Variants in OGFOD1 observed in about 807,000 individuals in gnomAD.
OGFOD1 encodes prolyl 3-hydroxylase OGFOD1.
In OGFOD1, 54 loss-of-function variants were observed where a neutral mutation model predicts 67.7. The ratio of observed to expected loss-of-function variants is 0.80; its 90% CI spans 0.64 to 1.00. OGFOD1 has a LOEUF of 1.00. OGFOD1 is among the 50% of genes least tolerant of loss of function. The pLI is 0.00. For missense variants in OGFOD1, 606 were observed against 646.7 expected, an observed-to-expected ratio of 0.94 and a Z score of 0.68; for synonymous variants, 221 against 227.0, an observed-to-expected ratio of 0.97 and a Z score of 0.24.
At chr16:56,463,086 C>G (rs1962769543) in intron 4 of OGFOD1, among the ~76,000 whole-genome samples, 1 of 152,170 alleles carries the variant, frequency 6.6e-6, no homozygotes, top group African/African-American at 2.4e-5. Context: ...CCTTCTTCAC[C>G]TTCTCCCTGC....
intron 1 of OGFOD1, chr16:56,452,015 A>C (rs1427137322): frequency 2.2e-6 from 1 of 456,678 alleles, no homozygotes; most frequent in Non-Finnish European, 3.9e-6. Flanking sequence ...GGTATGCAAG[A>C]GATAGTTGCA....
intron 4 of OGFOD1, among the ~76,000 whole-genome samples, chr16:56,463,383 G>GGTTTTTTTTTTTTTTTTTTT (rs1962783154): frequency 1.2e-5 from 1 of 80,112 alleles, no homozygotes; most frequent in Non-Finnish European, 2.7e-5. Context: ...TTCTTTTTTG[G>GGTTTTTTTTTTTTTTTTTTT]GTTTTTTTTT....
rs774982668 is a variant in OGFOD1 at position 56,466,919 on chromosome 16, G to A, written c.609G>A (p.Ser203=). Residue 203 remains serine, a synonymous_variant, in exon 6 of 13, where the codon TCG becomes TCA. Transcript: ENST00000566157. ...AGATTGTCAAGTCTCTTATCCCTTC[G>A]TGGAACAAACTGGTTTTCTTTGAAG... ...PKQIVKSLIP[S]WNKLVFFEVS... 16 of 1,613,984 alleles carry A rather than the reference G, an allele frequency of 9.9e-6. No homozygotes were observed. Among genetic ancestry groups the A allele is most frequent in the Middle Eastern group, 3.3e-4 (2 of 6,062 alleles).
Position 56,470,509 on chromosome 16 carries a change from A to AC in OGFOD1, c.1003_1004insC (p.Ser335ThrfsTer2). The AC allele has an allele frequency of 6.2e-7, 1 of 1,612,440 alleles. No homozygotes were observed. The highest frequency in any genetic ancestry group is 8.5e-7 in the Non-Finnish European group (1 of 1,179,408). ...CAGGTTTTATGAGAAAGCTGAGGAG[A>AC]GTAAGCTTCCTGAGATATTGAAGGA... On this transcript the variant is annotated frameshift_variant, in exon 10 of 13. Transcript: ENST00000566157. LOFTEE classifies it high-confidence loss of function.
intron 3 of OGFOD1, among the ~76,000 whole-genome samples, chr16:56,459,341 C>CA (rs1290722013): frequency 2.4e-3 from 252 of 103,086 alleles, no homozygotes; most frequent in East Asian, 0.013. Context: ...GACTCCATCT[C>CA]AAAAAAAAAA....
intron 4 of OGFOD1, chr16:56,465,873 A>G (rs1464187972): frequency 6.7e-6 from 2 of 297,402 alleles, no homozygotes; most frequent in Non-Finnish European, 1.3e-5. Context: ...GTAAATACAT[A>G]TATGTAGGAA....
At chr16:56,466,803 A>G in intron 5 of OGFOD1, 73 bp from the exon 6 acceptor site, 3 of 1,145,024 alleles carry the variant, frequency 2.6e-6, no homozygotes, top group Non-Finnish European at 3.9e-6. Context: ...AAGTTTGGAA[A>G]TTGTCAAGAG....
At chr16:56,475,088 G>C in intron 11 of OGFOD1, 138 bp downstream of exon 11, 1 of 840,720 alleles carries the variant, frequency 1.2e-6, no homozygotes, top group Non-Finnish European at 1.8e-6. Flanking sequence ...CAAAGTCAAA[G>C]GGATTTTACG....
In OGFOD1 at chr16:56,466,913, C is replaced by T; in HGVS notation, c.603C>T (p.Ile201=). ...CGAAGCAGATTGTCAAGTCTCTTATCCCTTCGTGGAACAAACTGGTTTTCT... is the reference window on the plus strand; with the variant it reads ...CGAAGCAGATTGTCAAGTCTCTTATTCCTTCGTGGAACAAACTGGTTTTCT... The part of the protein sequence containing the change: ...FQPKQIVKSL[I]PSWNKLVFFE... The change falls in exon 6 of 13, where the codon ATC becomes ATT. Residue 201 remains isoleucine (I), a synonymous_variant. Transcript: ENST00000566157. The T allele has an allele frequency of 6.2e-7, 1 of 1,613,928 alleles. No homozygotes were observed. The highest frequency in any genetic ancestry group is 8.5e-7 in the Non-Finnish European group (1 of 1,179,818).
chr16:56,475,570 G>A lies in OGFOD1; in HGVS notation c.1467+5G>A, dbSNP rs201157831. 6.2e-7 allele frequency: 1 copy of A among 1,612,878 alleles called. No homozygotes were observed. Among genetic ancestry groups the A allele is most frequent in the African/African-American group, 1.3e-5 (1 of 75,018 alleles). On this transcript the variant is annotated splice_donor_5th_base_variant and intron_variant, in intron 12 of 12. Coordinates refer to ENST00000566157, the MANE Select transcript of OGFOD1 (RefSeq NM_018233.4). The stretch of plus-strand genomic sequence containing the variant: ...GCCAAAGGTGAAGATGAAGAGGTAA[G>A]TTTCTTCTGATAGCAAACTATCATT...
chr16:56,470,792 G>A lies in OGFOD1; in HGVS notation c.1285+1G>A. ...CCAGAGGAAAATGAAACAAAGAAAG[G>A]TAAGCTGTTGTTAGGATTTGTCCTT... is the stretch of plus-strand genomic sequence containing the variant. On this transcript the variant is annotated splice_donor_variant, in intron 10 of 12. Coordinates refer to ENST00000566157, the MANE Select transcript of OGFOD1 (RefSeq NM_018233.4). LOFTEE classifies it high-confidence loss of function. 6.3e-7 allele frequency: 1 copy of A among 1,581,268 alleles called. No homozygotes were observed. Among genetic ancestry groups the A allele is most frequent in the Non-Finnish European group, 8.6e-7 (1 of 1,165,280 alleles).
intron 11 of OGFOD1, among the ~76,000 whole-genome samples, 174 bp from the exon 12 acceptor site, chr16:56,475,333 G>C (rs1963408923): frequency 1.3e-5 from 2 of 152,178 alleles, no homozygotes; most frequent in South Asian, 4.1e-4. Context: ...GCATTTAGGG[G>C]AAGGCAATCC....
chr16:56,477,129 CAAAAAAAAAAAAGAA>C lies in OGFOD1; in HGVS notation c.*925_*939del. On this transcript the variant is annotated 3_prime_UTR_variant, in exon 13 of 13. Coordinates refer to ENST00000566157, the MANE Select transcript of OGFOD1 (RefSeq NM_018233.4). ...GGGCAACAAGAGTGAAACTCTGTCT[CAAAAAAAAAAAAGAA>C]GAAAAAAACATAAGTGATTGCAGAA... 1 of 140,012 alleles carries C rather than the reference CAAAAAAAAAAAAGAA, an allele frequency of 7.1e-6. No homozygotes were observed. Among genetic ancestry groups the C allele is most frequent in the East Asian group, 2.0e-4 (1 of 4,896 alleles). 8.7% of individuals were successfully genotyped at this position (140,012 alleles called of 1,614,324 possible).
At position 56,474,844 on chromosome 16, in the gene OGFOD1, G is replaced by A; in HGVS notation, c.1302G>A (p.Met434Ile). 1 of 1,606,668 alleles carries A rather than the reference G, an allele frequency of 6.2e-7. No homozygotes were observed. The highest frequency in any genetic ancestry group is 1.7e-5 in the Admixed American group (1 of 59,320). The change falls in exon 11 of 13, where the codon ATG (methionine) becomes ATA (isoleucine). Residue 434 changes from methionine (M) to isoleucine (I), a missense_variant. Coordinates refer to ENST00000566157, the MANE Select transcript of OGFOD1 (RefSeq NM_018233.4). ...NETKKESSVPMCQGELRHWKT... is the reference protein window; with the variant it reads ...NETKKESSVPICQGELRHWKT... ...TTTCCTTAGAATCAAGTGTTCCCATGTGCCAAGGGGAACTGAGGCATTGGA... is the reference window on the plus strand; with the variant it reads ...TTTCCTTAGAATCAAGTGTTCCCATATGCCAAGGGGAACTGAGGCATTGGA...
chr16:56,466,583 C>T (rs1962909176), intron 5 of OGFOD1, among the ~76,000 whole-genome samples: 1 of 152,126 alleles, frequency 6.6e-6, no homozygotes, highest in South Asian at 2.1e-4. Flanking sequence ...TCTGCCAGGA[C>T]CAGTCCATTT....
In OGFOD1 at chr16:56,476,132, G is replaced by C; in HGVS notation, c.1556G>C (p.Arg519Pro). The C allele has an allele frequency of 1.2e-6, 2 of 1,613,856 alleles. No homozygotes were observed. The highest frequency in any genetic ancestry group is 4.5e-5 in the East Asian group (2 of 44,864). ...TLKFVKHINH[R>P]SLEQKKTFPN... ...AAATTTGTCAAGCATATTAACCACC[G>C]AAGCCTGGAACAAAAGAAAACCTTC... Residue 519 changes from arginine (R) to proline (P), a missense_variant, in exon 13 of 13, where the codon CGA becomes CCA. Transcript: ENST00000566157.
chr16:56,458,315 A>G (rs1434058605), intron 2 of OGFOD1: 1 of 518,432 alleles, frequency 1.9e-6, no homozygotes, highest in Non-Finnish European at 3.5e-6. Context: ...CATAGAAACT[A>G]GACTATAATA....
chr16:56,470,905 G>T (rs565543021), intron 10 of OGFOD1, 114 bp downstream of exon 10: 1 of 1,057,758 alleles, frequency 9.5e-7, no homozygotes, highest in South Asian at 1.8e-5. Flanking sequence ...CCTATTTCAG[G>T]AACTGAAGGA....
In OGFOD1 at chr16:56,475,533, A is replaced by G; in HGVS notation, c.1435A>G (p.Thr479Ala). 1 of 1,607,774 alleles carries G rather than the reference A, an allele frequency of 6.2e-7. No homozygotes were observed. Among genetic ancestry groups the G allele is most frequent in the East Asian group, 2.2e-5 (1 of 44,858 alleles). ...CTGGGAGCCAGAATATGGCGGTTTTACTTCTTACATTGCCAAAGGTGAAGA... is the reference window on the plus strand; with the variant it reads ...CTGGGAGCCAGAATATGGCGGTTTTGCTTCTTACATTGCCAAAGGTGAAGA... The part of the protein sequence containing the change: ...EGWEPEYGGF[T>A]SYIAKGEDEE... Residue 479 changes from threonine (T) to alanine (A), a missense_variant, in exon 12 of 13, where the codon ACT becomes GCT. By Grantham distance (58) the Thr-to-Ala change is moderately conservative. Transcript: ENST00000566157.
Sources: allele counts gnomAD v4.1 joint callset (sites outside exome capture counted in the v4.1 genomes callset), GRCh38; gene constraint gnomAD v4.1.1; transcripts MANE v1.5; gene names NCBI Gene and HGNC (gene_info 2026-07-23, HGNC 2026-07-21).